Variants in OR2G6 observed in about 807,000 individuals in gnomAD.
OR2G6 encodes the protein olfactory receptor family 2 subfamily G member 6.
For missense variants in OR2G6, 457 were observed against 391.3 expected (o/e 1.17, Z -1.42); for synonymous variants, 183 against 155.2 (o/e 1.18, Z -1.33).
In OR2G6 at chr1:248,521,871, C is replaced by CA; in HGVS notation, c.226dup (p.Ser76LysfsTer12). 1 of 1,614,144 alleles carries CA rather than the reference C, an allele frequency of 6.2e-7. No homozygotes were observed. Among genetic ancestry groups the CA allele is most frequent in the Non-Finnish European group, 8.5e-7 (1 of 1,180,006 alleles). Reference sequence around the variant, plus strand: ...CGTGTGTGGACATCTGCTTTACCACCAGTGTTGCCCCACAGTTGCTGGTTA... The same window carrying CA: ...CGTGTGTGGACATCTGCTTTACCACCAAGTGTTGCCCCACAGTTGCTGGTTA... On this transcript the variant is annotated frameshift_variant, in exon 2 of 2. Coordinates refer to ENST00000641804, the MANE Select transcript of OR2G6 (RefSeq NM_001013355.2). LOFTEE classifies it low-confidence loss of function (END_TRUNC).
chr1:248,510,262 TTTC>T (rs1310401741), intron 1 of OR2G6, among the ~76,000 whole-genome samples: 3 of 148,892 alleles, frequency 2.0e-5, no homozygotes, highest in South Asian at 2.1e-4. Flanking sequence ...GTGTTATGAT[TTTC>T]TTTTTTCAAA....
chr1:248,521,040 TA>T (rs56891856), intron 1 of OR2G6, among the ~76,000 whole-genome samples: 1,039 of 83,910 alleles, frequency 0.012, 15 homozygotes, highest in Admixed American at 0.077. Context: ...AGATTCCATC[TA>T]AAAAAAAAAA....
chr1:248,522,142 C>G lies in OR2G6; in HGVS notation c.496C>G (p.Leu166Val). ...SLIQCSLTVQ[L>V]PLCGHRTLDH... ...AATTCAGTGCTCCCTCACTGTGCAG[C>G]TGCCCCTCTGTGGTCATCGCACACT... Residue 166 changes from leucine (L) to valine (V), a missense_variant, in exon 2 of 2, where the codon CTG (leucine) becomes GTG (valine). Physicochemically the swap from Leu to Val is conservative, Grantham distance 32 (BLOSUM62 1). Coordinates refer to ENST00000641804, the MANE Select transcript of OR2G6 (RefSeq NM_001013355.2). 6.2e-7 allele frequency: 1 copy of G among 1,612,412 alleles called. No individual in the cohort carries two copies. The highest frequency in any genetic ancestry group is 2.2e-5 in the East Asian group (1 of 44,882).
In OR2G6 at chr1:248,522,727, C is replaced by T; in HGVS notation, c.*130C>T. ...GCATTGGAATTCTAAAGAAGGGAAA[C>T]ACCTCAAGGCAGCGTGAGGATTCAT... is the stretch of plus-strand genomic sequence containing the variant. On this transcript the variant is annotated 3_prime_UTR_variant, in exon 2 of 2. Transcript: ENST00000641804. 1.6e-6 allele frequency: 1 copy of T among 641,426 alleles called. No homozygotes were observed. The highest frequency in any genetic ancestry group is 2.7e-6 in the Non-Finnish European group (1 of 376,788). 39.7% of individuals were successfully genotyped at this position (641,426 alleles called of 1,614,324 possible).
chr1:248,522,241 C>A lies in OR2G6; in HGVS notation c.595C>A (p.Leu199Ile). 1 of 1,614,138 alleles carries A rather than the reference C, an allele frequency of 6.2e-7. No homozygotes were observed. The highest frequency in any genetic ancestry group is 8.5e-7 in the Non-Finnish European group (1 of 1,180,014). Residue 199 changes from leucine (L) to isoleucine (I), a missense_variant, in exon 2 of 2, where the codon CTC (leucine) becomes ATC (isoleucine). Physicochemically the swap from Leu to Ile is conservative, Grantham distance 5. Transcript: ENST00000641804. ...CVDTTFNEAE[L>I]FVASVVFLIV... is the part of the protein sequence containing the mutation. ...GGATACGACTTTCAACGAGGCAGAA[C>A]TCTTTGTGGCCAGTGTAGTCTTTCT...
At position 248,524,653 on chromosome 1, in the gene OR2G6, T is replaced by C. The variant is rs1400437177; in HGVS notation, c.*2056T>C. The C allele has an allele frequency of 7.2e-5, 11 of 152,202 alleles. No individual in the cohort carries two copies. Among genetic ancestry groups the C allele is most frequent in the Admixed American group, 2.0e-4 (3 of 15,268 alleles). 9.4% of individuals were successfully genotyped at this position (152,202 alleles called of 1,614,324 possible). A position where few individuals can be genotyped will look rare whatever the true frequency, so the allele number is the denominator to read the frequency against. ...GACAACCATGTGTAAAGCAATGATA[T>C]GAACACAATATGTAGAAAAACCTAC... On this transcript the variant is annotated 3_prime_UTR_variant, in exon 2 of 2. Transcript: ENST00000641804.
In OR2G6 at chr1:248,524,374, C is replaced by T. The variant is rs1247546515; in HGVS notation, c.*1777C>T. On this transcript the variant is annotated 3_prime_UTR_variant, in exon 2 of 2. Transcript: ENST00000641804. The stretch of plus-strand genomic sequence containing the variant: ...TAGGATATTCTTATGTGATTTTCCT[C>T]CTCCAGTAATGGAGAGGAGAGTTGG... 1 of 152,208 alleles carries T rather than the reference C, an allele frequency of 6.6e-6. No homozygotes were observed. The highest frequency in any genetic ancestry group is 1.5e-5 in the Non-Finnish European group (1 of 68,034). The allele number at this position is 152,208 out of a possible 1,614,324, so 9.4% of individuals were successfully genotyped here.
chr1:248,521,157 A>T (rs1664278435), intron 1 of OR2G6, among the ~76,000 whole-genome samples: 1 of 151,480 alleles, frequency 6.6e-6, no homozygotes, highest in African/African-American at 2.4e-5. Flanking sequence ...CAGGAAGCAG[A>T]GGTTGAAGGG....
chr1:248,519,963 A>C (rs1664245830), intron 1 of OR2G6, among the ~76,000 whole-genome samples: 1 of 44,630 alleles, frequency 2.2e-5, no homozygotes, highest in South Asian at 1.4e-3. Flanking sequence ...CATTCTATAA[A>C]GTCACATGGA....
rs1664331653 is a variant in OR2G6 at position 248,523,381 on chromosome 1, A to G, written c.*784A>G. 1 of 152,166 alleles carries G rather than the reference A, an allele frequency of 6.6e-6. No homozygotes were observed. Among genetic ancestry groups the G allele is most frequent in the African/African-American group, 2.4e-5 (1 of 41,440 alleles). The allele number at this position is 152,166 out of a possible 1,614,324, so 9.4% of individuals were successfully genotyped here. On this transcript the variant is annotated 3_prime_UTR_variant, in exon 2 of 2. Transcript: ENST00000641804. ...TAAAGGAATCAAATAAGCAAACTTGAATTAAGGAGATTGATTAAAAGTTGA... is the reference window on the plus strand; with the variant it reads ...TAAAGGAATCAAATAAGCAAACTTGGATTAAGGAGATTGATTAAAAGTTGA...
At chr1:248,508,826 T>C (rs1342906136) in intron 1 of OR2G6, among the ~76,000 whole-genome samples, 3 of 80,012 alleles carry the variant, frequency 3.7e-5, no homozygotes, top group Non-Finnish European at 4.2e-5. Flanking sequence ...TGTTGAAGAA[T>C]TTTACTTATT....
At chr1:248,520,865 T>C (rs1261806473) in intron 1 of OR2G6, among the ~76,000 whole-genome samples, 1 of 133,782 alleles carries the variant, frequency 7.5e-6, no homozygotes, top group African/African-American at 3.4e-5. Flanking sequence ...AATATATATA[T>C]ATATAAAAAT....
intron 1 of OR2G6, among the ~76,000 whole-genome samples, chr1:248,509,964 T>TAG (rs374343683): frequency 0.011 from 19 of 1,804 alleles, no homozygotes; most frequent in Non-Finnish European, 0.015. Flanking sequence ...TGTGAGTGGA[T>TAG]AGAGTGATTC....
intron 1 of OR2G6, among the ~76,000 whole-genome samples, chr1:248,520,751 A>G (rs1278208766): frequency 1.3e-5 from 2 of 151,834 alleles, no homozygotes; most frequent in South Asian, 4.2e-4. Context: ...GCTCACGCCT[A>G]TAATCCCAGC....
chr1:248,522,770 C>T lies in OR2G6; in HGVS notation c.*173C>T. The T allele has an allele frequency of 1.7e-6, 1 of 571,760 alleles. No homozygotes were observed. Among genetic ancestry groups the T allele is most frequent in the Middle Eastern group, 4.5e-4 (1 of 2,220 alleles). The allele number at this position is 571,760 out of a possible 1,614,324, so 35.4% of individuals were successfully genotyped here. A position where few individuals can be genotyped will look rare whatever the true frequency, so the allele number is the denominator to read the frequency against. On this transcript the variant is annotated 3_prime_UTR_variant, in exon 2 of 2. Transcript: ENST00000641804. ...GGATTCATCCTCCCCAGACATTCCT[C>T]TTGTCAATCCCAAAGCCACAGGGAC...
rs1328837757 is a variant in OR2G6 at position 248,526,734 on chromosome 1, T to G, written c.*4137T>G. Reference sequence around the variant, plus strand: ...TATCTCATTGTGGTTTTGATTTGCATTTCTCTGATGGCCAGTGATAATGAG... The same window carrying G: ...TATCTCATTGTGGTTTTGATTTGCAGTTCTCTGATGGCCAGTGATAATGAG... On this transcript the variant is annotated 3_prime_UTR_variant, in exon 2 of 2. Transcript: ENST00000641804. 1 of 152,240 alleles carries G rather than the reference T, an allele frequency of 6.6e-6. No individual in the cohort carries two copies. The highest frequency in any genetic ancestry group is 1.5e-5 in the Non-Finnish European group (1 of 68,050). 9.4% of individuals were successfully genotyped at this position (152,240 alleles called of 1,614,324 possible). A position where few individuals can be genotyped will look rare whatever the true frequency, so the allele number is the denominator to read the frequency against.
rs1331348545 is a variant in OR2G6, at chr1:248,527,243, T to A, written c.*4646T>A. ...AGTTTTCCCAGCACCATTTGTTAAA[T>A]AGGGAATCCTTTCCCTATTTCTTGT... On this transcript the variant is annotated 3_prime_UTR_variant, in exon 2 of 2. Coordinates refer to ENST00000641804, the MANE Select transcript of OR2G6 (RefSeq NM_001013355.2). 1 of 152,240 alleles carries A rather than the reference T, an allele frequency of 6.6e-6. No individual in the cohort carries two copies. The highest frequency in any genetic ancestry group is 1.9e-4 in the East Asian group (1 of 5,200). 9.4% of individuals were successfully genotyped at this position (152,240 alleles called of 1,614,324 possible). A position where few individuals can be genotyped will look rare whatever the true frequency, so the allele number is the denominator to read the frequency against.
In OR2G6 at chr1:248,521,221, A is replaced by C. The variant is rs1664279468; in HGVS notation, c.-36-390A>C. Among the ~76,000 whole-genome samples the C allele has an allele frequency of 3.3e-5, 5 of 151,852 alleles. 1 individual carries two copies. In the Middle Eastern group the frequency reaches 0.017, roughly 520 times the overall value. Reference sequence around the variant, plus strand: ...CCAGGCGACAGAACGACTCCATCTCAAAAAATATATATATTTGTATACATA... The same window carrying C: ...CCAGGCGACAGAACGACTCCATCTCCAAAAATATATATATTTGTATACATA... On this transcript the variant is annotated intron_variant, in intron 1 of 1. Coordinates refer to ENST00000641804, the MANE Select transcript of OR2G6 (RefSeq NM_001013355.2).
In OR2G6 at chr1:248,524,548, G is replaced by A. The variant is rs1279944916; in HGVS notation, c.*1951G>A. The A allele has an allele frequency of 6.6e-6, 1 of 152,196 alleles. No homozygotes were observed. Among genetic ancestry groups the A allele is most frequent in the Non-Finnish European group, 1.5e-5 (1 of 68,030 alleles). 9.4% of individuals were successfully genotyped at this position (152,196 alleles called of 1,614,324 possible). Reference sequence around the variant, plus strand: ...TAGGAAAGAATGTACCTGTGTCAGAGTCTCAATCAATTTACATGGAATATG... The same window carrying A: ...TAGGAAAGAATGTACCTGTGTCAGAATCTCAATCAATTTACATGGAATATG... On this transcript the variant is annotated 3_prime_UTR_variant, in exon 2 of 2. Coordinates refer to ENST00000641804, the MANE Select transcript of OR2G6 (RefSeq NM_001013355.2).
Sources: allele counts gnomAD v4.1 joint callset (sites outside exome capture counted in the v4.1 genomes callset), GRCh38; gene constraint gnomAD v4.1.1; transcripts MANE v1.5; gene names NCBI Gene and HGNC (gene_info 2026-07-23, HGNC 2026-07-21).